The following GABRR3 variants were observed in gnomAD, a reference collection of about 807,000 sequenced individuals.
GABRR3 encodes the protein gamma-aminobutyric acid type A receptor subunit rho3.
Under a neutral mutation model 43.2 loss-of-function variants are expected in GABRR3, and 29 were observed. The observed-to-expected ratio is 0.67, with a 90% CI of 0.50 to 0.92. GABRR3 has a LOEUF of 0.92. Ranked by LOEUF, GABRR3 falls within the 40% of genes least tolerant of loss-of-function variation. The pLI is 0.00. For synonymous variants in GABRR3, 206 were observed against 195.9 expected, an observed-to-expected ratio of 1.05 and a Z score of -0.43; for missense variants, 576 against 572.3, an observed-to-expected ratio of 1.01 and a Z score of -0.07.
chr3:98,008,050 T>C (rs757449907), intron 6 of GABRR3, 146 bp from the exon 7 acceptor site: 1 of 648,510 alleles, frequency 1.5e-6, no homozygotes, highest in Non-Finnish European at 2.5e-6. Flanking sequence ...TGTTTGCCAA[T>C]GGACTGATCA....
chr3:98,000,733 C>G (rs1706627452), intron 8 of GABRR3: 1 of 151,996 alleles, frequency 6.6e-6, no homozygotes, highest in Non-Finnish European at 1.5e-5. Flanking sequence ...GTAATAATAA[C>G]AATCTCCTCT....
intron 7 of GABRR3, among the ~76,000 whole-genome samples, chr3:98,007,141 G>A (rs1165820060): frequency 3.3e-5 from 5 of 152,138 alleles, no homozygotes; most frequent in East Asian, 1.9e-4. Flanking sequence ...TGTGATGACC[G>A]AGATAGGGAA....
At chr3:98,024,366 CAAAAA>C (rs35090836) in intron 3 of GABRR3, among the ~76,000 whole-genome samples, 4 of 42,466 alleles carry the variant, frequency 9.4e-5, no homozygotes, top group African/African-American at 2.4e-4. Flanking sequence ...GACTCCGTCT[CAAAAA>C]AAAAAAAAAA....
intron 8 of GABRR3, chr3:97,999,716 A>G (rs1559775176): frequency 6.6e-6 from 1 of 152,186 alleles, no homozygotes; most frequent in Non-Finnish European, 1.5e-5. Context: ...CCAGGCATCA[A>G]GCTAGGCAGT....
At chr3:97,991,388 G>C (rs922658750) in intron 9 of GABRR3, among the ~76,000 whole-genome samples, 11 of 152,222 alleles carry the variant, frequency 7.2e-5, no homozygotes, top group Admixed American at 4.6e-4. Context: ...AGAGTTTAAC[G>C]AGGACCCGGG....
chr3:98,034,765 T>C (rs759893831), intron 2 of GABRR3, 98 bp downstream of exon 2: 35 of 1,395,974 alleles, frequency 2.5e-5, no homozygotes, highest in Admixed American at 1.6e-4. Context: ...AAAGATGTGC[T>C]ACCATTAAAG....
chr3:98,004,737 A>G (rs1347625721), intron 7 of GABRR3, among the ~76,000 whole-genome samples: 5 of 151,784 alleles, frequency 3.3e-5, no homozygotes, highest in Non-Finnish European at 5.9e-5. Context: ...TCCTATAACT[A>G]TATTTCTGAC....
intron 4 of GABRR3, among the ~76,000 whole-genome samples, chr3:98,015,083 G>A (rs832022): frequency 0.77 from 117,205 of 152,204 alleles, 45,598 homozygotes; most frequent in East Asian, 0.99. Flanking sequence ...ATTCATGTAC[G>A]TAAAAATGGC....
intron 2 of GABRR3, among the ~76,000 whole-genome samples, chr3:98,034,368 T>C (rs558742236): frequency 6.6e-6 from 1 of 152,232 alleles, no homozygotes; most frequent in African/African-American, 2.4e-5. Context: ...GTCTTGATAT[T>C]CATGATTTGT....
intron 7 of GABRR3, among the ~76,000 whole-genome samples, chr3:98,002,960 A>G (rs2107233119): frequency 1.3e-5 from 2 of 152,108 alleles, no homozygotes; most frequent in Non-Finnish European, 1.5e-5. Context: ...GAACTGGCAG[A>G]CTCTACTCTT....
chr3:97,991,649 T>C (rs908270639), intron 9 of GABRR3, among the ~76,000 whole-genome samples: 1 of 152,238 alleles, frequency 6.6e-6, no homozygotes, highest in African/African-American at 2.4e-5. Flanking sequence ...TGAGAATCTG[T>C]TGGCAAATCA....
chr3:97,993,988 T>C (rs1576036042), intron 8 of GABRR3, among the ~76,000 whole-genome samples: 2 of 152,374 alleles, frequency 1.3e-5, no homozygotes, highest in Admixed American at 1.3e-4. Flanking sequence ...CAGAGGGATA[T>C]TGCCAGAGTA....
At chr3:98,018,238 G>A (rs1424295281) in intron 3 of GABRR3, among the ~76,000 whole-genome samples, 3 of 152,114 alleles carry the variant, frequency 2.0e-5, no homozygotes, top group African/African-American at 7.2e-5. Context: ...TGTGGTTGGT[G>A]GAGTAGAGGA....
At chr3:98,009,104 C>T (rs1025572994) in intron 5 of GABRR3, 66 bp from the exon 6 acceptor site, 2 of 996,598 alleles carry the variant, frequency 2.0e-6, no homozygotes, top group Middle Eastern at 2.1e-4. Context: ...GAGCATGCAA[C>T]ATTGAAGCTT....
chr3:98,017,544 A>G (rs1442097673), intron 4 of GABRR3, 111 bp downstream of exon 4: 12 of 753,142 alleles, frequency 1.6e-5, no homozygotes, highest in Non-Finnish European at 2.3e-5. Flanking sequence ...TCAAAGTAGG[A>G]GACATAAATA....
intron 4 of GABRR3, among the ~76,000 whole-genome samples, chr3:98,016,118 G>A (rs1208261903): frequency 6.6e-6 from 1 of 151,974 alleles, no homozygotes; most frequent in East Asian, 1.9e-4. Context: ...GAACAGCATG[G>A]GGGAAACTGC....
chr3:97,994,820 G>A (rs1290979671), intron 8 of GABRR3, among the ~76,000 whole-genome samples: 2 of 152,286 alleles, frequency 1.3e-5, no homozygotes, highest in East Asian at 1.9e-4. Context: ...TGTTCAGAGT[G>A]CAGAATTATG....
At chr3:98,019,045 G>A (rs1706905943) in intron 3 of GABRR3, among the ~76,000 whole-genome samples, 1 of 151,998 alleles carries the variant, frequency 6.6e-6, no homozygotes, top group Admixed American at 6.6e-5. Flanking sequence ...AGGAGGCAGG[G>A]GCTGCAGTGA....
intron 3 of GABRR3, among the ~76,000 whole-genome samples, chr3:98,023,325 G>GCCCT (rs1706974852): frequency 6.6e-5 from 10 of 152,154 alleles, no homozygotes; most frequent in Non-Finnish European, 1.2e-4. Flanking sequence ...AACCTGACAT[G>GCCCT]AATTAGGGCA....
Sources: allele counts gnomAD v4.1 joint callset (sites outside exome capture counted in the v4.1 genomes callset), GRCh38; gene constraint gnomAD v4.1.1; transcripts MANE v1.5; gene names NCBI Gene and HGNC (gene_info 2026-07-23, HGNC 2026-07-21).